The following KCNIP4 variants were observed in gnomAD, a reference collection of about 807,000 sequenced individuals.
KCNIP4 encodes the protein Kv channel-interacting protein 4.
In KCNIP4, 12 loss-of-function variants were observed where a neutral mutation model predicts 34.0. The ratio of observed to expected loss-of-function variants is 0.35; its 90% CI spans 0.23 to 0.57. The LOEUF (loss-of-function observed/expected upper bound fraction) is 0.57. KCNIP4 is among the 20% of genes least tolerant of loss of function. KCNIP4 has a pLI of 0.83. For synonymous variants in KCNIP4, 124 were observed against 102.2 expected (o/e 1.21, Z -1.29); for missense variants, 238 against 311.7 (o/e 0.76, Z 1.78).
chr4:21,069,269 T>C (rs1428355145), intron 1 of KCNIP4, among the ~76,000 whole-genome samples: 1 of 152,150 alleles, frequency 6.6e-6, no homozygotes, highest in Non-Finnish European at 1.5e-5. Context: ...CTCACCTCTA[T>C]ATTTTTGTGC....
chr4:20,786,645 A>T (rs1316388200), intron 3 of KCNIP4, among the ~76,000 whole-genome samples: 1 of 152,180 alleles, frequency 6.6e-6, no homozygotes, highest in African/African-American at 2.4e-5. Flanking sequence ...TTCTCTTACG[A>T]AAGTTGCAAA....
intron 1 of KCNIP4, among the ~76,000 whole-genome samples, chr4:21,937,844 A>G (rs1046155999): frequency 5.9e-5 from 9 of 152,014 alleles, no homozygotes; most frequent in African/African-American, 2.2e-4. Flanking sequence ...GCTATGCCAC[A>G]CAAGTCTCTG....
chr4:20,885,888 T>A (rs1171556000), intron 1 of KCNIP4, among the ~76,000 whole-genome samples: 1 of 152,206 alleles, frequency 6.6e-6, no homozygotes, highest in Admixed American at 6.5e-5. Flanking sequence ...CTTTACTTTC[T>A]CTTCATCTGG....
intron 1 of KCNIP4, among the ~76,000 whole-genome samples, chr4:21,687,541 T>G (rs1310364813): frequency 6.6e-6 from 1 of 152,188 alleles, no homozygotes; most frequent in Non-Finnish European, 1.5e-5. Flanking sequence ...CATAATTATT[T>G]TAAAAAGTTT....
At chr4:21,789,974 C>A (rs1410550112) in intron 1 of KCNIP4, among the ~76,000 whole-genome samples, 1 of 152,190 alleles carries the variant, frequency 6.6e-6, no homozygotes, top group East Asian at 1.9e-4. Flanking sequence ...CATTTTCCAT[C>A]TTCATATACA....
At chr4:21,557,671 CA>C (rs33918560) in intron 1 of KCNIP4, among the ~76,000 whole-genome samples, 83,364 of 151,866 alleles carry the variant, frequency 0.55, 23,059 homozygotes, top group East Asian at 0.67. Flanking sequence ...CCCATGGTAC[CA>C]ACCTGGTCCT....
At chr4:21,024,918 A>C (rs1270100937) in intron 1 of KCNIP4, among the ~76,000 whole-genome samples, 1 of 152,168 alleles carries the variant, frequency 6.6e-6, no homozygotes, top group African/African-American at 2.4e-5. Flanking sequence ...TCATTGATTA[A>C]TTTTACAAAT....
intron 1 of KCNIP4, among the ~76,000 whole-genome samples, chr4:21,025,551 T>TTTGTTG (rs1560656446): frequency 1.5e-5 from 1 of 65,452 alleles, no homozygotes; most frequent in Non-Finnish European, 3.1e-5. Context: ...CTGTTTTTTT[T>TTTGTTG]TTTTTTTTTT....
intron 1 of KCNIP4, among the ~76,000 whole-genome samples, chr4:21,396,223 A>G (rs566633373): frequency 5.3e-5 from 8 of 151,914 alleles, no homozygotes; most frequent in Admixed American, 1.3e-4. Flanking sequence ...CTTCCCCAAT[A>G]TGACTGAGGT....
chr4:21,531,875 T>C (rs1174418344), intron 1 of KCNIP4, among the ~76,000 whole-genome samples: 1 of 152,160 alleles, frequency 6.6e-6, no homozygotes, highest in Non-Finnish European at 1.5e-5. Flanking sequence ...ATGAAGTAGT[T>C]AATTGTCAGC....
Position 20,958,206 on chromosome 4 carries a change from C to T in KCNIP4, c.62-75497G>A, listed in dbSNP as rs530534858. Among the ~76,000 whole-genome samples, 10 of 152,290 alleles carry T rather than the reference C, an allele frequency of 6.6e-5. No homozygotes were observed. In the East Asian group the frequency reaches 1.9e-3, roughly 29 times the overall value. On this transcript the variant is annotated intron_variant, in intron 1 of 8. Transcript: ENST00000382152. ...AAATTCACCAGACTGAGGAGATTGA[C>T]TTTTATGGCTCAGAGGATGCAGTAG...
chr4:21,636,159 G>A (rs992138789), intron 1 of KCNIP4, among the ~76,000 whole-genome samples: 2 of 120,222 alleles, frequency 1.7e-5, no homozygotes, highest in African/African-American at 6.2e-5. Flanking sequence ...GGAGGGGGGA[G>A]GGATAGCATT....
At chr4:21,906,679 A>G (rs762325874) in intron 1 of KCNIP4, among the ~76,000 whole-genome samples, 45 of 152,202 alleles carry the variant, frequency 3.0e-4, no homozygotes, top group Non-Finnish European at 5.9e-4. Context: ...TGCAACAGGC[A>G]AAACCTGTAC....
intron 1 of KCNIP4, among the ~76,000 whole-genome samples, chr4:21,373,214 T>C (rs777385855): frequency 9.5e-5 from 14 of 146,862 alleles, no homozygotes; most frequent in Admixed American, 6.6e-5. Context: ...TCCTAGCTAC[T>C]TGGGAGGCTG....
At chr4:21,244,186 G>T (rs1027398132) in intron 1 of KCNIP4, among the ~76,000 whole-genome samples, 2 of 152,126 alleles carry the variant, frequency 1.3e-5, no homozygotes, top group East Asian at 1.9e-4. Context: ...GTGAAATTTT[G>T]ATACCTGTAT....
intron 1 of KCNIP4, among the ~76,000 whole-genome samples, chr4:21,224,351 T>C (rs892675509): frequency 4.6e-5 from 7 of 151,968 alleles, no homozygotes; most frequent in African/African-American, 7.3e-5. Context: ...CCTGTGTTTC[T>C]TCTTTTTTAA....
intron 1 of KCNIP4, among the ~76,000 whole-genome samples, chr4:21,522,424 TG>T (rs1207163746): frequency 6.6e-6 from 1 of 152,140 alleles, no homozygotes; most frequent in East Asian, 1.9e-4. Context: ...TCACCCAGGC[TG>T]GTGCACTCAT....
At chr4:21,768,866 G>A (rs1010737209) in intron 1 of KCNIP4, among the ~76,000 whole-genome samples, 3 of 152,030 alleles carry the variant, frequency 2.0e-5, no homozygotes, top group African/African-American at 7.2e-5. Context: ...CAAATGTGAT[G>A]TCATTTAATA....
rs997164604 is a variant in KCNIP4 at position 21,687,356 on chromosome 4, C to T, written c.61+261215G>A. ...AAGAAGTGATTAGGAAGTCACAATT[C>T]TACCAACCTGGGAAAAGATACGCAA... On this transcript the variant is annotated intron_variant, in intron 1 of 8. Transcript: ENST00000382152. Among the ~76,000 whole-genome samples the T allele has an allele frequency of 3.3e-5, 5 of 150,542 alleles. No individual in the cohort carries two copies. In the East Asian group the frequency reaches 9.8e-4, roughly 30 times the overall value.
Sources: allele counts gnomAD v4.1 joint callset (sites outside exome capture counted in the v4.1 genomes callset), GRCh38; gene constraint gnomAD v4.1.1; transcripts MANE v1.5; gene names NCBI Gene and HGNC (gene_info 2026-07-23, HGNC 2026-07-21).